The following XKR6 variants were observed in gnomAD, a reference collection of about 807,000 sequenced individuals.
XKR6 encodes the protein XK related 6, also known as XK-related protein 6.
XKR6 carries 22 observed loss-of-function variants against 56.7 expected under a neutral mutation model. The observed-to-expected ratio is 0.39, with a 90% confidence interval of 0.28 to 0.55. The LOEUF (loss-of-function observed/expected upper bound fraction) is 0.55. Ranked by LOEUF, XKR6 falls within the 20% of genes least tolerant of loss-of-function variation. The pLI is 0.66. For synonymous variants in XKR6, 524 were observed against 387.8 expected (o/e 1.35, Z -4.13); for missense variants, 852 against 889.0 (o/e 0.96, Z 0.53).
At chr8:10,926,907 G>A (rs1163211931) in intron 1 of XKR6, among the ~76,000 whole-genome samples, 1 of 152,188 alleles carries the variant, frequency 6.6e-6, no homozygotes, top group Non-Finnish European at 1.5e-5. Flanking sequence ...ACTAAGAGAG[G>A]GGGAGGGAGA....
chr8:10,977,629 C>G (rs1332653530), intron 1 of XKR6, among the ~76,000 whole-genome samples: 2 of 148,924 alleles, frequency 1.3e-5, no homozygotes, highest in African/African-American at 4.9e-5. Context: ...GCTGTGACCG[C>G]TCTCAGAGAC....
intron 1 of XKR6, among the ~76,000 whole-genome samples, chr8:11,192,310 C>T (rs1803626315): frequency 6.6e-6 from 1 of 152,058 alleles, no homozygotes; most frequent in African/African-American, 2.4e-5. Context: ...AGGCGCGTGC[C>T]ACCACGCCCG....
intron 1 of XKR6, among the ~76,000 whole-genome samples, chr8:11,008,054 G>A (rs533748990): frequency 2.6e-5 from 4 of 152,146 alleles, no homozygotes; most frequent in East Asian, 1.9e-4. Flanking sequence ...GCATTCAGGC[G>A]TTCACACAGG....
intron 1 of XKR6, chr8:11,125,897 T>C (rs1385949691): frequency 1.3e-5 from 2 of 152,212 alleles, no homozygotes; most frequent in Non-Finnish European, 2.9e-5. Context: ...GTACTATACT[T>C]CTACCCATGC....
At chr8:11,189,034 C>T (rs942909411) in intron 1 of XKR6, among the ~76,000 whole-genome samples, 3 of 152,190 alleles carry the variant, frequency 2.0e-5, no homozygotes, top group Non-Finnish European at 2.9e-5. Flanking sequence ...GTTCTCCCCA[C>T]GAATCTATCA....
intron 1 of XKR6, among the ~76,000 whole-genome samples, chr8:11,197,839 CG>C (rs1803974555): frequency 6.6e-6 from 1 of 150,816 alleles, no homozygotes; most frequent in Non-Finnish European, 1.5e-5. Flanking sequence ...ACTTTAATAT[CG>C]AGGGAAACTA....
intron 1 of XKR6, among the ~76,000 whole-genome samples, chr8:10,965,294 G>A (rs957133108): frequency 2.0e-5 from 3 of 152,194 alleles, no homozygotes; most frequent in East Asian, 3.9e-4. Context: ...AGCAGGGCAC[G>A]TGCCCTCGAT....
intron 1 of XKR6, among the ~76,000 whole-genome samples, chr8:11,100,040 A>AT (rs1176661214): frequency 1.7e-4 from 26 of 151,928 alleles, no homozygotes; most frequent in African/African-American, 4.8e-4. Context: ...AGTAGGGCTC[A>AT]TTTTTTTTCT....
intron 1 of XKR6, among the ~76,000 whole-genome samples, chr8:11,146,183 T>C (rs1800973023): frequency 6.6e-6 from 1 of 152,154 alleles, no homozygotes; most frequent in Non-Finnish European, 1.5e-5. Context: ...CCACACTTCA[T>C]ACCATATACA....
chr8:11,170,291 C>G (rs1183732272), intron 1 of XKR6, among the ~76,000 whole-genome samples: 3 of 152,188 alleles, frequency 2.0e-5, no homozygotes, highest in Admixed American at 6.5e-5. Context: ...ATACTGGGAA[C>G]AACCAAATGT....
chr8:11,069,240 CAA>C (rs112907257), intron 1 of XKR6, among the ~76,000 whole-genome samples: 5 of 140,278 alleles, frequency 3.6e-5, no homozygotes, highest in Admixed American at 7.1e-5. Context: ...AAAGATATGC[CAA>C]AAAAAAAAAA....
chr8:10,960,570 G>A (rs1296216929), intron 1 of XKR6, among the ~76,000 whole-genome samples: 2 of 152,212 alleles, frequency 1.3e-5, no homozygotes, highest in South Asian at 2.1e-4. Flanking sequence ...TGCCACTTCT[G>A]CATAGTTATC....
chr8:10,964,330 G>C (rs1192996152), intron 1 of XKR6, among the ~76,000 whole-genome samples: 1 of 152,180 alleles, frequency 6.6e-6, no homozygotes, highest in Non-Finnish European at 1.5e-5. Context: ...TTTGCAAAAT[G>C]GAGCAGGTTG....
intron 1 of XKR6, among the ~76,000 whole-genome samples, chr8:11,092,656 C>G (rs985252711): frequency 3.9e-5 from 6 of 152,206 alleles, no homozygotes; most frequent in African/African-American, 7.2e-5. Context: ...GCAAGAAAGG[C>G]TGAGTAAAGC....
At chr8:11,174,336 G>A (rs1802544618) in intron 1 of XKR6, among the ~76,000 whole-genome samples, 1 of 152,190 alleles carries the variant, frequency 6.6e-6, no homozygotes, top group Non-Finnish European at 1.5e-5. Flanking sequence ...TAAAACAAGT[G>A]CAGAAGTGTT....
chr8:11,115,757 A>G (rs1799140466), intron 1 of XKR6, among the ~76,000 whole-genome samples: 3 of 152,198 alleles, frequency 2.0e-5, no homozygotes, highest in Admixed American at 2.0e-4. Context: ...TTTGTGTCCT[A>G]CTGCTCAAGA....
chr8:10,995,848 A>G (rs1798100073), intron 1 of XKR6, among the ~76,000 whole-genome samples: 1 of 152,204 alleles, frequency 6.6e-6, no homozygotes, highest in South Asian at 2.1e-4. Context: ...TGAGAGGGCA[A>G]TCCTTCCTCT....
intron 1 of XKR6, among the ~76,000 whole-genome samples, chr8:11,178,554 A>ATATATATATATATATG (rs1802786117): frequency 1.6e-5 from 2 of 124,474 alleles, no homozygotes; most frequent in South Asian, 2.4e-4. Context: ...AAAAATATAT[A>ATATATATATATATATG]TATATATATA....
intron 1 of XKR6, chr8:11,124,799 T>C (rs923220960): frequency 6.6e-6 from 1 of 152,014 alleles, no homozygotes; most frequent in African/African-American, 2.4e-5. Context: ...AAAGTATTGA[T>C]GCTGGGCTGG....
Sources: gnomAD v4.1 joint callset for allele counts (sites outside exome capture counted in the v4.1 genomes callset) on GRCh38, gnomAD v4.1.1 for gene constraint, MANE v1.5 for transcripts, NCBI Gene and HGNC (gene_info 2026-07-23, HGNC 2026-07-21) for gene names.